Variants in LIMCH1 observed in about 807,000 individuals in gnomAD.
The protein encoded by LIMCH1 is LIM and calponin homology domains-containing protein 1.
Under a neutral mutation model 176.5 loss-of-function variants are expected in LIMCH1, and 113 were observed. That is an observed-to-expected ratio of 0.64 (90% CI 0.55 to 0.75). LIMCH1 has a LOEUF of 0.75. Among genes scored for constraint, LIMCH1 ranks in the 30% least tolerant of loss-of-function variants. LIMCH1 has a pLI of 0.00. For missense variants in LIMCH1, 1,674 were observed against 1,814.9 expected (o/e 0.92, Z 1.41); for synonymous variants, 619 against 645.9 (o/e 0.96, Z 0.63).
chr4:41,657,626 A>G (rs2094500259), intron 18 of LIMCH1, among the ~76,000 whole-genome samples: 1 of 152,204 alleles, frequency 6.6e-6, no homozygotes, highest in African/African-American at 2.4e-5. Flanking sequence ...TGTTATTCAA[A>G]TTGCTTGCTT....
chr4:41,475,819 G>C lies in LIMCH1; in HGVS notation c.97-18717G>C, dbSNP rs142432314. ...TAGGTGCAGCAAACCACCATGGCAC[G>C]TGTATACCTATGTAACAAACCTGCA... On this transcript the variant is annotated intron_variant, in intron 1 of 26. Coordinates refer to the LIMCH1 transcript ENST00000313860. 3.9e-3 allele frequency among the ~76,000 whole-genome samples: 595 copies of C among 152,182 alleles called. 4 individuals are homozygous for C. The highest frequency in any genetic ancestry group is 0.014 in the African/African-American group (578 of 41,528).
intron 1 of LIMCH1, among the ~76,000 whole-genome samples, chr4:41,401,224 G>C (rs911171801): frequency 1.3e-5 from 2 of 152,150 alleles, no homozygotes; most frequent in African/African-American, 2.4e-5. Flanking sequence ...TGTAAGGAAG[G>C]GATCCAGTTT....
intron 5 of LIMCH1, among the ~76,000 whole-genome samples, chr4:41,616,856 G>T (rs1448223565): frequency 6.6e-6 from 1 of 152,120 alleles, no homozygotes; most frequent in Admixed American, 6.5e-5. Context: ...CACACAGCTA[G>T]TAGATGGTAG....
Position 41,631,463 on chromosome 4 carries a change from A to G in LIMCH1, c.1587A>G (p.Arg529=), listed in dbSNP as rs781412557. The change falls in exon 10 of 32, where the codon CGA becomes CGG. Residue 529 remains arginine, a synonymous_variant. Transcript: ENST00000503057. ...SSLKGHQIFN[R]QNDCRTMNCG... ...TAAAGGGCCACCAAATATTTAATCG[A>G]CAAAATGACTGCAGGTATTTTTTGC... The G allele has an allele frequency of 1.3e-6, 2 of 1,514,724 alleles. No homozygotes were observed. Among genetic ancestry groups the G allele is most frequent in the South Asian group, 2.5e-5 (2 of 80,258 alleles). The allele number at this position is 1,514,724 out of a possible 1,614,324, so 93.8% of individuals were successfully genotyped here.
At chr4:41,535,459 G>A (rs1214481946), upstream of LIMCH1, among the ~76,000 whole-genome samples, 1 of 152,128 alleles carries the variant, frequency 6.6e-6, no homozygotes. Flanking sequence ...CTCCCAGATG[G>A]CTGCCTTTCC....
At chr4:41,393,592 A>T (rs889737943) in intron 1 of LIMCH1, among the ~76,000 whole-genome samples, 2 of 152,252 alleles carry the variant, frequency 1.3e-5, no homozygotes, top group African/African-American at 4.8e-5. Flanking sequence ...TATGGCTGAA[A>T]GCCTGCTAGG....
Position 41,632,829 on chromosome 4 carries a change from T to C in LIMCH1, c.1682T>C (p.Val561Ala), listed in dbSNP as rs1213210174. The change falls in exon 11 of 32, where the codon GTC becomes GCC. Residue 561 changes from valine to alanine, a missense_variant. Val to Ala is a moderately conservative substitution (Grantham distance 64). This residue lies in a region of LIMCH1 where 1,015 missense variants were observed against 1,102.5 expected (regional missense o/e 0.92). Coordinates refer to ENST00000503057, the MANE Select transcript of LIMCH1 (RefSeq NM_001330672.2). ...GTGCCGGAGTCTCAGGAAGAGTGGG[T>C]CTGCAGTTTGGGCGAGTGCCCGAGG... The part of the protein sequence containing the change: ...APVPESQEEW[V>A]CSLGECPRGT... The C allele has an allele frequency of 7.2e-6, 11 of 1,535,954 alleles. No homozygotes were observed. Among genetic ancestry groups the C allele is most frequent in the Non-Finnish European group, 9.6e-6 (11 of 1,146,892 alleles).
At chr4:41,691,702 G>A (rs1003959950) in intron 30 of LIMCH1, among the ~76,000 whole-genome samples, 19 of 152,026 alleles carry the variant, frequency 1.2e-4, no homozygotes, top group African/African-American at 4.6e-4. Context: ...AGTGGAGGTT[G>A]CAGTGAGCTG....
At chr4:41,668,673 G>A (rs1303987476) in intron 21 of LIMCH1, among the ~76,000 whole-genome samples, 1 of 152,154 alleles carries the variant, frequency 6.6e-6, no homozygotes, top group Non-Finnish European at 1.5e-5. Context: ...AATTGTATTT[G>A]GAATACACCA....
At chr4:41,360,566 G>A (rs2051832073), upstream of LIMCH1, 1 of 218,758 alleles carries the variant, frequency 4.6e-6, no homozygotes, top group South Asian at 1.8e-4. This position sits in a 1 kb window ranked among gnomAD's most constrained non-coding sequence, Gnocchi z 4.5. Flanking sequence ...GGGGCGGAGC[G>A]GCCCTCGAAG....
chr4:41,389,107 C>CCT (rs2154109156), intron 1 of LIMCH1: 1 of 152,456 alleles, frequency 6.6e-6, no homozygotes, highest in African/African-American at 2.4e-5. Flanking sequence ...ACACCAGCTG[C>CCT]CTCTCCCATA....
intron 1 of LIMCH1, among the ~76,000 whole-genome samples, chr4:41,545,637 G>GT (rs1223398130): frequency 6.6e-6 from 1 of 152,158 alleles, no homozygotes; most frequent in Non-Finnish European, 1.5e-5. Flanking sequence ...TGCAACTTGA[G>GT]TTATAGGGTT....
At chr4:41,634,471 G>C (rs2093477956) in intron 13 of LIMCH1, among the ~76,000 whole-genome samples, 2 of 152,200 alleles carry the variant, frequency 1.3e-5, no homozygotes, top group African/African-American at 4.8e-5. Context: ...ATGGAGTTCT[G>C]CTTCTCCAAG....
At chr4:41,588,075 T>A (rs1305868731) in intron 1 of LIMCH1, among the ~76,000 whole-genome samples, 1 of 151,972 alleles carries the variant, frequency 6.6e-6, no homozygotes, top group Non-Finnish European at 1.5e-5. Context: ...CCTAATGCTA[T>A]CCCTCCCCCT....
chr4:41,473,126 A>T, intron 1 of LIMCH1: 1 of 985,402 alleles, frequency 1.0e-6, no homozygotes, highest in Non-Finnish European at 1.2e-6. Context: ...TAAAATGACA[A>T]CTTGGTAAAT....
chr4:41,543,456 C>G (rs529637888), intron 1 of LIMCH1, among the ~76,000 whole-genome samples: 60 of 152,178 alleles, frequency 3.9e-4, no homozygotes, highest in Non-Finnish European at 7.8e-4. Context: ...TCAAGTAAGA[C>G]TGTAGGCTGA....
rs113816475 is a variant in LIMCH1 at position 41,498,877 on chromosome 4, T to A, written c.167+4271T>A. On this transcript the variant is annotated intron_variant, in intron 2 of 26. Coordinates refer to the LIMCH1 transcript ENST00000313860. ...GCTGGCAAATTATGGCCCTTGGCCT[T>A]TTTTTTTTTTTAACTGGCCTTCTTG... 2.6e-3 allele frequency among the ~76,000 whole-genome samples: 380 copies of A among 146,530 alleles called. 2 individuals are homozygous for A. Among genetic ancestry groups the A allele is most frequent in the African/African-American group, 8.0e-3 (325 of 40,702 alleles).
intron 1 of LIMCH1, among the ~76,000 whole-genome samples, chr4:41,570,982 CCCT>C (rs2152606825): frequency 6.6e-6 from 1 of 152,212 alleles, no homozygotes; most frequent in Non-Finnish European, 1.5e-5. Context: ...TGAAAAGTGT[CCCT>C]TGGATTAGCA....
At chr4:41,491,996 G>A (rs531685286) in intron 1 of LIMCH1, among the ~76,000 whole-genome samples, 88 of 152,320 alleles carry the variant, frequency 5.8e-4, no homozygotes, top group African/African-American at 1.9e-3. Context: ...CTTCCTAGAC[G>A]GGGTGGCGGG....
Sources: allele counts gnomAD v4.1 joint callset (sites outside exome capture counted in the v4.1 genomes callset), GRCh38; gene constraint gnomAD v4.1.1; regional missense constraint gnomAD v4.1.1; non-coding constraint Gnocchi (gnomAD v3.1); transcripts MANE v1.5; gene names NCBI Gene and HGNC (gene_info 2026-07-23, HGNC 2026-07-21).